The following TRAIP variants were observed in gnomAD, a reference collection of about 807,000 sequenced individuals.
The protein encoded by TRAIP is TRAF interacting protein.
Under a neutral mutation model 65.0 loss-of-function variants are expected in TRAIP, and 37 were observed. That is an observed-to-expected ratio of 0.57 (90% CI 0.44 to 0.75). The LOEUF is 0.75. Ranked by LOEUF, TRAIP falls within the 30% of genes least tolerant of loss-of-function variation. TRAIP has a pLI of 0.00. For synonymous variants in TRAIP, 187 were observed against 219.1 expected (o/e 0.85, Z 1.29); for missense variants, 481 against 579.4 (o/e 0.83, Z 1.74).
At position 49,850,266 on chromosome 3, in the gene TRAIP, C is replaced by T. The variant is rs373597910; in HGVS notation, c.99-2066G>A. On this transcript the variant is annotated intron_variant, in intron 1 of 14. Coordinates refer to ENST00000331456, the MANE Select transcript of TRAIP (RefSeq NM_005879.3). ...CTGTAATCCCAGCACTTTGGGAGGT[C>T]GAGGCGGGTGGATCATCAGGTCAGA... is the stretch of plus-strand genomic sequence containing the variant. Among the ~76,000 whole-genome samples, 12 of 152,056 alleles carry T rather than the reference C, an allele frequency of 7.9e-5. No individual in the cohort carries two copies. The South Asian group carries it at 8.3e-4, about 11-fold the overall frequency.
At position 49,841,862 on chromosome 3, in the gene TRAIP, A is replaced by G; in HGVS notation, c.581T>C (p.Val194Ala). The G allele has an allele frequency of 6.2e-7, 1 of 1,614,196 alleles. No individual in the cohort carries two copies. The change falls in exon 7 of 15, where the codon GTG (valine) becomes GCG (alanine). Residue 194 changes from valine to alanine, a missense_variant. Transcript: ENST00000331456. ...CACACAGTACACAGCCAGCTGTTCC[A>G]CCGCTGACTGTCCCACACCCATGTC... ...IRDMGVGQSA[V>A]EQLAVYCVSL...
At chr3:49,835,074 G>A (rs1575391335) in intron 10 of TRAIP, among the ~76,000 whole-genome samples, 1 of 151,990 alleles carries the variant, frequency 6.6e-6, no homozygotes, top group East Asian at 1.9e-4. Context: ...TGGGCATTGT[G>A]GCACATGCCT....
chr3:49,840,209 A>C, intron 9 of TRAIP, 75 bp downstream of exon 9: 64 of 1,303,980 alleles, frequency 4.9e-5, no homozygotes, highest in Middle Eastern at 1.8e-4. Flanking sequence ...GGTCCTGGGC[A>C]GAGATAGCCC....
Position 49,856,397 on chromosome 3 carries a change from G to T in TRAIP, c.57C>A (p.Asp19Glu). The change falls in exon 1 of 15, where the codon GAC (aspartate) becomes GAA (glutamate). Residue 19 changes from aspartate to glutamate, a missense_variant. Transcript: ENST00000331456. The stretch of plus-strand genomic sequence containing the variant: ...TGTGGCCGCAGTGGATGGCGGCCAC[G>T]TCGCGGGAGTGATCGAAGAAGTCGG... The part of the protein sequence containing the change: ...ICSDFFDHSR[D>E]VAAIHCGHTF... 6.2e-7 allele frequency: 1 copy of T among 1,614,114 alleles called. No homozygotes were observed. The highest frequency in any genetic ancestry group is 8.5e-7 in the Non-Finnish European group (1 of 1,180,016).
In TRAIP at chr3:49,832,057, A is replaced by G; in HGVS notation, c.896T>C (p.Val299Ala). 1 of 1,593,994 alleles carries G rather than the reference A, an allele frequency of 6.3e-7. No homozygotes were observed. The highest frequency in any genetic ancestry group is 8.5e-7 in the Non-Finnish European group (1 of 1,169,732). The change falls in exon 11 of 15, where the codon GTG (valine) becomes GCG (alanine). Residue 299 changes from valine (V) to alanine (A), a missense_variant. By Grantham distance (64) the Val-to-Ala change is moderately conservative. Coordinates refer to ENST00000331456, the MANE Select transcript of TRAIP (RefSeq NM_005879.3). Reference protein sequence around the residue: ...DRLVLESPAPVEVNLKLRRPS... With the variant: ...DRLVLESPAPAEVNLKLRRPS... Reference sequence around the variant, plus strand: ...CCGGCGGAGCTTCAGATTCACCTCCACAGGGGCTGGGCTGAAGGCAGAGAT... The same window carrying G: ...CCGGCGGAGCTTCAGATTCACCTCCGCAGGGGCTGGGCTGAAGGCAGAGAT...
Position 49,856,512 on chromosome 3 carries a change from A to G in TRAIP, c.-59T>C. On this transcript the variant is annotated 5_prime_UTR_variant, in exon 1 of 15. Transcript: ENST00000331456. ...GAAACTGCTACAGGTCCGGCTTCGT[A>G]GACGCGCCCCCGCGCCTCCGCTTGC... is the stretch of plus-strand genomic sequence containing the variant. 3.3e-6 allele frequency: 5 copies of G among 1,502,194 alleles called. No individual in the cohort carries two copies. In the South Asian group the frequency reaches 5.9e-5, roughly 18 times the overall value. The allele number at this position is 1,502,194 out of a possible 1,614,324, so 93.1% of individuals were successfully genotyped here. A position where few individuals can be genotyped will look rare whatever the true frequency, so the allele number is the denominator to read the frequency against.
At position 49,856,540 on chromosome 3, in the gene TRAIP, C is replaced by T. The variant is rs1247419178; in HGVS notation, c.-87G>A. 6.4e-6 allele frequency: 8 copies of T among 1,247,814 alleles called. No homozygotes were observed. The Admixed American group carries it at 1.1e-4, about 17-fold the overall frequency. 77.3% of individuals were successfully genotyped at this position (1,247,814 alleles called of 1,614,324 possible). On this transcript the variant is annotated 5_prime_UTR_variant, in exon 1 of 15. Transcript: ENST00000331456. Reference sequence around the variant, plus strand: ...CGCGCCCCCGCGCCTCCGCTTGCTTCAAATTTGGCTCCGCAGCACGACTTC... The same window carrying T: ...CGCGCCCCCGCGCCTCCGCTTGCTTTAAATTTGGCTCCGCAGCACGACTTC...
At position 49,856,560 on chromosome 3, in the gene TRAIP, G is replaced by A. The variant is rs2081972147; in HGVS notation, c.-107C>T. The stretch of plus-strand genomic sequence containing the variant: ...TGCTTCAAATTTGGCTCCGCAGCAC[G>A]ACTTCCTGGAGCGGGCCGGAAGTGA... On this transcript the variant is annotated 5_prime_UTR_variant, in exon 1 of 15. Coordinates refer to ENST00000331456, the MANE Select transcript of TRAIP (RefSeq NM_005879.3). 5 of 915,648 alleles carry A rather than the reference G, an allele frequency of 5.5e-6. No homozygotes were observed. Among genetic ancestry groups the A allele is most frequent in the Non-Finnish European group, 8.4e-6 (5 of 593,526 alleles). 56.7% of individuals were successfully genotyped at this position (915,648 alleles called of 1,614,324 possible).
Position 49,840,350 on chromosome 3 carries a change from C to G in TRAIP, c.729G>C (p.Leu243Phe). 6.2e-7 allele frequency: 1 copy of G among 1,614,134 alleles called. No homozygotes were observed. The highest frequency in any genetic ancestry group is 2.2e-5 in the East Asian group (1 of 44,886). Reference protein sequence around the residue: ...RSKLQTVYSELDQAKLELKSA... With the variant: ...RSKLQTVYSEFDQAKLELKSA... ...ACTTCAGTTCTAACTTGGCCTGATC[C>G]AATTCAGAGTAGACTGTCTGCAACT... Residue 243 changes from leucine to phenylalanine, a missense_variant, in exon 9 of 15, where the codon TTG becomes TTC. Transcript: ENST00000331456.
intron 10 of TRAIP, among the ~76,000 whole-genome samples, chr3:49,839,118 G>A (rs1575393512): frequency 6.6e-6 from 1 of 152,046 alleles, no homozygotes; most frequent in Non-Finnish European, 1.5e-5. Context: ...GAATCCAGGA[G>A]GCAGAGATTG....
Position 49,847,566 on chromosome 3 carries a change from C to A in TRAIP, c.199G>T (p.Ala67Ser). 3.7e-6 allele frequency: 6 copies of A among 1,611,870 alleles called. No individual in the cohort carries two copies. The highest frequency in any genetic ancestry group is 5.1e-6 in the Non-Finnish European group (6 of 1,179,354). The part of the protein sequence containing the change: ...TIINKLFFDL[A>S]QEEENVLDAE... ...TCCAAGACATTCTCCTCCTCCTGGG[C>A]AAGATCAAAGAAGAGCTTATTGATA... Residue 67 changes from alanine (A) to serine (S), a missense_variant, in exon 3 of 15, where the codon GCC becomes TCC. Transcript: ENST00000331456.
chr3:49,855,494 AAGAAAATAGAGTAGGCAAAC>A (rs1348970186), intron 1 of TRAIP, among the ~76,000 whole-genome samples: 1 of 152,210 alleles, frequency 6.6e-6, no homozygotes, highest in African/African-American at 2.4e-5. Context: ...AAAAGGATAG[AAGAAAATAGAGTAGGCAAAC>A]AGAAAATAGA....
chr3:49,842,344 T>G (rs2081846423), intron 6 of TRAIP, 109 bp downstream of exon 6: 1 of 1,103,780 alleles, frequency 9.1e-7, no homozygotes, highest in Non-Finnish European at 1.4e-6. Context: ...CTATGGAGAT[T>G]TGAGCCTCGG....
chr3:49,847,565 G>C lies in TRAIP; in HGVS notation c.200C>G (p.Ala67Gly), dbSNP rs983547607. The change falls in exon 3 of 15, where the codon GCC becomes GGC. Residue 67 changes from alanine (A) to glycine (G), a missense_variant. By Grantham distance (60) the Ala-to-Gly change is moderately conservative. Coordinates refer to ENST00000331456, the MANE Select transcript of TRAIP (RefSeq NM_005879.3). ...TIINKLFFDL[A>G]QEEENVLDAE... ...ATCCAAGACATTCTCCTCCTCCTGG[G>C]CAAGATCAAAGAAGAGCTTATTGAT... 1.2e-6 allele frequency: 2 copies of C among 1,611,992 alleles called. No homozygotes were observed. The highest frequency in any genetic ancestry group is 1.7e-6 in the Non-Finnish European group (2 of 1,179,362).
chr3:49,852,549 A>T, intron 1 of TRAIP, among the ~76,000 whole-genome samples: 1 of 151,504 alleles, frequency 6.6e-6, no homozygotes, highest in East Asian at 2.0e-4. Flanking sequence ...AGGTCAGGAG[A>T]TCAAGACCAT....
rs2081867771 is a variant in TRAIP at position 49,844,696 on chromosome 3, A to T, written c.241-116T>A. The T allele has an allele frequency of 2.6e-6, 3 of 1,141,770 alleles. No individual in the cohort carries two copies. In the African/African-American group the frequency reaches 4.6e-5, roughly 17 times the overall value. 70.7% of individuals were successfully genotyped at this position (1,141,770 alleles called of 1,614,324 possible). On this transcript the variant is annotated intron_variant, in intron 3 of 14. Transcript: ENST00000331456. The stretch of plus-strand genomic sequence containing the variant: ...GAACAATGAGGCCTTCTAGGGCATG[A>T]ATCCTGCAGTGCCTCAAGGCCAAGC...
intron 11 of TRAIP, among the ~76,000 whole-genome samples, chr3:49,831,316 G>A (rs540398819): frequency 2.6e-5 from 4 of 152,364 alleles, no homozygotes; most frequent in Admixed American, 2.6e-4. Flanking sequence ...CACCTGAACA[G>A]TACCTGTATG....
rs554353003 is a variant in TRAIP at position 49,835,662 on chromosome 3, G to A, written c.885-3594C>T. Among the ~76,000 whole-genome samples the A allele has an allele frequency of 1.6e-4, 25 of 152,048 alleles. No homozygotes were observed. In the South Asian group the frequency reaches 2.5e-3, roughly 15 times the overall value. Reference sequence around the variant, plus strand: ...AAAAAACTTAAGAAACTTCTTGGCCGGGCACGGTGGCGCACACCTGTAATC... The same window carrying A: ...AAAAAACTTAAGAAACTTCTTGGCCAGGCACGGTGGCGCACACCTGTAATC... On this transcript the variant is annotated intron_variant, in intron 10 of 14. Transcript: ENST00000331456.
chr3:49,840,199 G>A (rs1042996537), intron 9 of TRAIP, 85 bp downstream of exon 9: 3 of 1,246,624 alleles, frequency 2.4e-6, no homozygotes, highest in East Asian at 4.7e-5. Context: ...CTGGTGCAAG[G>A]GTCCTGGGCA....
Sources: allele counts gnomAD v4.1 joint callset (sites outside exome capture counted in the v4.1 genomes callset), GRCh38; gene constraint gnomAD v4.1.1; transcripts MANE v1.5; gene names NCBI Gene and HGNC (gene_info 2026-07-23, HGNC 2026-07-21).